Variants in TMC6 observed in about 807,000 individuals in gnomAD.
TMC6 encodes the protein transmembrane channel-like protein 6.
TMC6 carries 71 observed loss-of-function variants against 95.4 expected under a neutral mutation model. That is an observed-to-expected ratio of 0.74 (90% CI 0.61 to 0.91). TMC6 has a LOEUF of 0.91. TMC6 is among the 40% of genes least tolerant of loss of function. The pLI is 0.00. For missense variants in TMC6, 1,074 were observed against 1,079.1 expected (o/e 1.00, Z 0.07); for synonymous variants, 514 against 483.1 (o/e 1.06, Z -0.84).
In TMC6 at chr17:78,121,985, A is replaced by AG. The variant is rs2074437426; in HGVS notation, c.1228-275dup. 2.0e-5 allele frequency among the ~76,000 whole-genome samples: 3 copies of AG among 151,802 alleles called. No individual in the cohort carries two copies. Among genetic ancestry groups the AG allele is most frequent in the African/African-American group, 7.3e-5 (3 of 41,306 alleles). Reference sequence around the variant, plus strand: ...TCAACCCCTCTCCACCCACCTCCCCAGCCCTGCCCGCTGGGGCAGGGGCCT... The same window carrying AG: ...TCAACCCCTCTCCACCCACCTCCCCAGGCCCTGCCCGCTGGGGCAGGGGCCT... On this transcript the variant is annotated intron_variant, in intron 10 of 19. Coordinates refer to ENST00000590602, the MANE Select transcript of TMC6 (RefSeq NM_001127198.5). This position sits in a 1 kb window ranked among gnomAD's most constrained non-coding sequence, Gnocchi z 5.6.
intron 18 of TMC6, chr17:78,114,087 G>A (rs1339573361): frequency 6.8e-6 from 2 of 295,590 alleles, no homozygotes; most frequent in African/African-American, 2.2e-5. Context: ...TTCTGGAAGT[G>A]AGAAGTCCAA....
At chr17:78,119,854 C>T in intron 13 of TMC6, 1 of 345,318 alleles carries the variant, frequency 2.9e-6, no homozygotes, top group South Asian at 2.4e-5. Flanking sequence ...CACTCTGTTG[C>T]CGAGGCTGGT....
Position 78,109,439 on chromosome 17 carries a change from C to T in TMC6, c.*3709G>A. ...TCTCGGCGGAGCTGTGGCTGATGGG[C>T]TCCTGGTGCAGGACTGGCCCCTGAA... On this transcript the variant is annotated 3_prime_UTR_variant, in exon 20 of 20. Coordinates refer to ENST00000590602, the MANE Select transcript of TMC6 (RefSeq NM_001127198.5). 1 of 456,630 alleles carries T rather than the reference C, an allele frequency of 2.2e-6. No homozygotes were observed. The highest frequency in any genetic ancestry group is 4.4e-6 in the Non-Finnish European group (1 of 226,930). The allele number at this position is 456,630 out of a possible 1,614,324, so 28.3% of individuals were successfully genotyped here.
At chr17:78,119,940 A>G (rs187952596) in intron 13 of TMC6, 6,175 of 331,788 alleles carry the variant, frequency 0.019, 73 homozygotes, top group Non-Finnish European at 0.026. Context: ...GAGCCACCAC[A>G]CCGGGCCTCC....
chr17:78,113,477 C>T, intron 19 of TMC6, 71 bp downstream of exon 19: 2 of 1,547,422 alleles, frequency 1.3e-6, no homozygotes, highest in Non-Finnish European at 1.8e-6. Flanking sequence ...CCAGTGGCAG[C>T]CCTACTGTCC....
At chr17:78,131,403 C>T (rs996060462), upstream of TMC6, 11 of 777,734 alleles carry the variant, frequency 1.4e-5, no homozygotes, top group South Asian at 1.2e-4. Context: ...GCGGCAGACC[C>T]GGGCAAGTGA....
At chr17:78,116,995 G>A (rs2074151364) in intron 18 of TMC6, among the ~76,000 whole-genome samples, 1 of 152,186 alleles carries the variant, frequency 6.6e-6, no homozygotes, top group Non-Finnish European at 1.5e-5. Context: ...CCCTCAGCGG[G>A]GCCACACCCG....
In TMC6 at chr17:78,123,267, C is replaced by G. The variant is rs191388212; in HGVS notation, c.1083-518G>C. On this transcript the variant is annotated intron_variant, in intron 9 of 19. Transcript: ENST00000590602. ...TCCATCTTCTCCCAGAGACAGCAAG[C>G]CCCCCTAGGACATTTACCATCCTGC... is the stretch of plus-strand genomic sequence containing the variant. 1.6e-3 allele frequency: 425 copies of G among 264,056 alleles called. 1 individual carries two copies. The highest frequency in any genetic ancestry group is 9.0e-3 in the African/African-American group (409 of 45,208). 16.4% of individuals were successfully genotyped at this position (264,056 alleles called of 1,614,324 possible).
At chr17:78,131,708 C>G, upstream of TMC6, 2 of 1,583,640 alleles carry the variant, frequency 1.3e-6, no homozygotes, top group Non-Finnish European at 1.7e-6. Context: ...GCGGGCTGCC[C>G]TATGCCATGA....
intron 8 of TMC6, 151 bp downstream of exon 8, chr17:78,124,370 CATT>C: frequency 2.2e-6 from 3 of 1,377,986 alleles, no homozygotes; most frequent in Non-Finnish European, 3.0e-6. Context: ...CATCCAGGGT[CATT>C]GAGGGGGAGG....
intron 18 of TMC6, among the ~76,000 whole-genome samples, chr17:78,116,040 C>T (rs1430907317): frequency 4.6e-5 from 7 of 152,030 alleles, no homozygotes; most frequent in African/African-American, 7.3e-5. Context: ...CTCAGCAACT[C>T]GCTCTGTCGC....
At chr17:78,131,429 G>T (rs2074961193), upstream of TMC6, 2 of 997,690 alleles carry the variant, frequency 2.0e-6, no homozygotes, top group Non-Finnish European at 3.0e-6. Context: ...AGGGCTGCAG[G>T]AGCCCAGGCC....
chr17:78,125,030 T>C (rs1258967218), intron 6 of TMC6, 45 bp from the exon 7 acceptor site: 3 of 1,549,112 alleles, frequency 1.9e-6, no homozygotes, highest in East Asian at 4.8e-5. Context: ...ATGAGGGGCC[T>C]GACTCTCTCC....
At chr17:78,130,345 G>A (rs2074930172), upstream of TMC6, among the ~76,000 whole-genome samples, 4 of 152,200 alleles carry the variant, frequency 2.6e-5, no homozygotes, top group African/African-American at 4.8e-5. Flanking sequence ...GGCAGATAAA[G>A]AGTTTGGCCC....
rs1197288239 is a variant in TMC6, at chr17:78,117,637, G to A, written c.2029C>T (p.Pro677Ser). The A allele has an allele frequency of 1.3e-6, 2 of 1,569,942 alleles. No homozygotes were observed. Among genetic ancestry groups the A allele is most frequent in the South Asian group, 2.3e-5 (2 of 86,272 alleles). The part of the protein sequence containing the change: ...FLCYAVWQVK[P>S]SSTCGPFRTL... The stretch of plus-strand genomic sequence containing the variant: ...CGGAAGGGGCCGCAGGTGCTCGAGG[G>A]CTTCACCCTGGGGAAGATGCCGACC... The change falls in exon 17 of 20, where the codon CCC becomes TCC. Residue 677 changes from proline (P) to serine (S), a missense_variant. Pro to Ser is a moderately conservative substitution (Grantham distance 74, BLOSUM62 -1). Transcript: ENST00000590602.
At chr17:78,117,674 C>T in intron 16 of TMC6, 30 bp from the exon 17 acceptor site, 1 of 1,556,334 alleles carries the variant, frequency 6.4e-7, no homozygotes, top group South Asian at 1.2e-5. Context: ...GGAACCCTCA[C>T]CCCGAGCAAC....
intron 4 of TMC6, 167 bp downstream of exon 4, chr17:78,126,110 C>G: frequency 8.8e-7 from 1 of 1,141,286 alleles, no homozygotes; most frequent in Non-Finnish European, 1.2e-6. Context: ...CTGTGCTGGG[C>G]CCCCAGGCAG....
At chr17:78,113,263 C>T (rs566684626) in intron 19 of TMC6, 52 bp from the exon 20 acceptor site, 4 of 1,533,276 alleles carry the variant, frequency 2.6e-6, no homozygotes, top group African/African-American at 1.4e-5. Context: ...AACATCCCTG[C>T]AACCTGGCTG....
At position 78,117,844 on chromosome 17, in the gene TMC6, G is replaced by T. The variant is rs965073134; in HGVS notation, c.1979C>A (p.Ala660Asp). The T allele has an allele frequency of 6.2e-7, 1 of 1,608,334 alleles. No homozygotes were observed. The highest frequency in any genetic ancestry group is 1.7e-5 in the Admixed American group (1 of 59,376). The stretch of plus-strand genomic sequence containing the variant: ...GAGGAAGACAGCGGCGCCCAGGAAG[G>T]CGGGGAAGCAGAGCAGCGTGAGGAA... ...TVFLTLLCFP[A>D]FLGAAVFLCY... The change falls in exon 16 of 20, where the codon GCC (alanine) becomes GAC (aspartate). Residue 660 changes from alanine (A) to aspartate (D), a missense_variant. Physicochemically the swap from Ala to Asp is moderately radical, Grantham distance 126. Coordinates refer to ENST00000590602, the MANE Select transcript of TMC6 (RefSeq NM_001127198.5).
Sources: gnomAD v4.1 joint callset for allele counts (sites outside exome capture counted in the v4.1 genomes callset) on GRCh38, gnomAD v4.1.1 for gene constraint, Gnocchi (gnomAD v3.1) non-coding constraint, MANE v1.5 for transcripts, NCBI Gene and HGNC (gene_info 2026-07-23, HGNC 2026-07-21) for gene names.